Variants in SHOX observed in about 807,000 individuals in gnomAD.
The protein encoded by SHOX is short stature homeobox protein.
A neutral mutation model predicts 29.6 loss-of-function variants in SHOX; 12 were observed. The observed-to-expected ratio is 0.41, with a 90% CI of 0.26 to 0.66. The LOEUF (loss-of-function observed/expected upper bound fraction) is 0.66, where lower values mean the gene tolerates loss of function less well. SHOX is among the 30% of genes least tolerant of loss of function. The probability of loss-of-function intolerance (pLI) is 0.35; values close to 1 mark genes in which losing one functional copy is unlikely to be tolerated. For missense variants in SHOX, 499 were observed against 437.7 expected (o/e 1.14, Z -1.25); for synonymous variants, 214 against 200.6 (o/e 1.07, Z -0.57).
Position 624,919 on chromosome X carries a change from TTTC to T in SHOX, c.-433+320_-433+322del, listed in dbSNP as rs1211498964. Among the ~76,000 whole-genome samples, 70 of 113,536 alleles carry T rather than the reference TTTC, an allele frequency of 6.2e-4. 3 individuals carry two copies. Among genetic ancestry groups the T allele is most frequent in the South Asian group, 5.7e-3 (17 of 2,960 alleles). 74.5% of individuals were successfully genotyped at this position (113,536 alleles called of 152,430 possible). A position where few individuals can be genotyped will look rare whatever the true frequency, so the allele number is the denominator to read the frequency against. On this transcript the variant is annotated intron_variant, in intron 1 of 5. Transcript: ENST00000334060. ...CTTTCTTTCTCTCTTCCTTTCTTTCTTTCTTTCTTTCTTTTCTTTCTTTCACTT... is the reference window on the plus strand; with the variant it reads ...CTTTCTTTCTCTCTTCCTTTCTTTCTTTTCTTTCTTTTCTTTCTTTCACTT...
intron 1 of SHOX, among the ~76,000 whole-genome samples, chrX:625,535 GTCTC>G (rs1316037740): frequency 6.6e-5 from 10 of 151,170 alleles, no homozygotes; most frequent in African/African-American, 1.7e-4. Context: ...CTGTATCTCT[GTCTC>G]TCTCTTTCTC....
In SHOX at chrX:630,908, T is replaced by C. The variant is rs1362741764; in HGVS notation, c.11T>C (p.Leu4Pro). ...GCCCCGGCCCCAGCCATGGAAGAGCTCACGGCTTTTGTATCCAAGTCTTTT... is the reference window on the plus strand; with the variant it reads ...GCCCCGGCCCCAGCCATGGAAGAGCCCACGGCTTTTGTATCCAAGTCTTTT... Reference protein sequence around the residue: MEELTAFVSKSFDQ... With the variant: MEEPTAFVSKSFDQ... The change falls in exon 1 of 5, where the codon CTC (leucine) becomes CCC (proline). Residue 4 changes from leucine (L) to proline (P), a missense_variant. Coordinates refer to ENST00000686671, the MANE Select transcript of SHOX (RefSeq NM_000451.4). 6.2e-7 allele frequency: 1 copy of C among 1,613,368 alleles called. No homozygotes were observed.
chrX:631,263 G>C, intron 1 of SHOX, 89 bp downstream of exon 1: 1 of 1,499,024 alleles, frequency 6.7e-7, no homozygotes, highest in Non-Finnish European at 9.3e-7. Context: ...GCCCCTCGCT[G>C]TGCACATTTG....
chrX:630,312 C>CG (rs1017231767), upstream of SHOX, among the ~76,000 whole-genome samples: 1 of 150,998 alleles, frequency 6.6e-6, no homozygotes, highest in African/African-American at 2.4e-5. Flanking sequence ...CCCGGATCCC[C>CG]CCCTCGCCAT....
At chrX:636,148 T>C (rs2052743086) in intron 2 of SHOX, among the ~76,000 whole-genome samples, 1 of 148,370 alleles carries the variant, frequency 6.7e-6, no homozygotes, top group Non-Finnish European at 1.5e-5. Flanking sequence ...TATAAACATA[T>C]ATAAATATAT....
chrX:632,008 G>A (rs1313064670), intron 1 of SHOX: 1 of 456,058 alleles, frequency 2.2e-6, no homozygotes, highest in Non-Finnish European at 4.4e-6. Context: ...GGAAGGCCCC[G>A]GGTCAGCTCG....
In SHOX at chrX:645,483, G is replaced by C. The variant is rs992942124; in HGVS notation, c.*847G>C. The C allele has an allele frequency of 7.3e-6, 1 of 137,626 alleles. No homozygotes were observed. The highest frequency in any genetic ancestry group is 1.5e-5 in the Non-Finnish European group (1 of 65,888). The allele number at this position is 137,626 out of a possible 1,614,324, so 8.5% of individuals were successfully genotyped here. Reference sequence around the variant, plus strand: ...ATAAGAGACGGACGCGTGGTTGCAAGGTGTCATACTGATATGCAGCATTAA... The same window carrying C: ...ATAAGAGACGGACGCGTGGTTGCAACGTGTCATACTGATATGCAGCATTAA... On this transcript the variant is annotated 3_prime_UTR_variant, in exon 5 of 5. Transcript: ENST00000686671.
At chrX:652,465 G>C (rs2053081184), downstream of SHOX, among the ~76,000 whole-genome samples, 1 of 151,640 alleles carries the variant, frequency 6.6e-6, no homozygotes, top group Non-Finnish European at 1.5e-5. Flanking sequence ...GAGGGAAGTG[G>C]GGGAGGGACA....
chrX:637,914 C>T (rs886988244), intron 2 of SHOX, among the ~76,000 whole-genome samples: 2 of 152,166 alleles, frequency 1.3e-5, no homozygotes, highest in African/African-American at 4.8e-5. Context: ...CGTGGCCCTG[C>T]AAAGTCGTAT....
chrX:624,994 T>G (rs1196433483), intron 1 of SHOX, among the ~76,000 whole-genome samples: 3 of 150,328 alleles, frequency 2.0e-5, no homozygotes, highest in Non-Finnish European at 4.4e-5. Flanking sequence ...AGAAAGCTTT[T>G]TCCTTCCTTC....
Position 638,084 on chromosome X carries a change from C to T in SHOX, c.487-2737C>T, listed in dbSNP as rs182727872. Among the ~76,000 whole-genome samples the T allele has an allele frequency of 4.6e-3, 694 of 152,242 alleles. 26 individuals carry two copies. The highest frequency in any genetic ancestry group is 0.042 in the Admixed American group (645 of 15,284). ...AAATCAAAAGGAAATCGCATTACGG[C>T]ATTTGGGAAAGAAAGCGGGGAGTGC... On this transcript the variant is annotated intron_variant, in intron 2 of 4. Coordinates refer to ENST00000686671, the MANE Select transcript of SHOX (RefSeq NM_000451.4).
At chrX:635,270 G>A (rs1375916000) in intron 2 of SHOX, among the ~76,000 whole-genome samples, 1 of 151,900 alleles carries the variant, frequency 6.6e-6, no homozygotes, top group African/African-American at 2.4e-5. Context: ...CTACAGATGC[G>A]TTTGATCCAG....
At position 650,294 on chromosome X, in the gene SHOX, C is replaced by T. The variant is rs1347875466; in HGVS notation, c.*5658C>T. Among the ~76,000 whole-genome samples the T allele has an allele frequency of 6.6e-6, 1 of 152,090 alleles. No individual in the cohort carries two copies. The highest frequency in any genetic ancestry group is 1.5e-5 in the Non-Finnish European group (1 of 68,030). On this transcript the variant is annotated 3_prime_UTR_variant, in exon 5 of 5. Transcript: ENST00000686671. ...CCGTACGGGAAGGAGGCCTTTGGGC[C>T]GCTCCAAAGACGCCCTGTCGTAGGA... is the stretch of plus-strand genomic sequence containing the variant.
intron 2 of SHOX, among the ~76,000 whole-genome samples, chrX:637,092 C>T (rs1385479990): frequency 1.3e-5 from 2 of 151,684 alleles, no homozygotes; most frequent in African/African-American, 4.8e-5. Context: ...GTCCCCAAAG[C>T]GATACAGCCC....
chrX:654,006 C>T (rs1603291198), downstream of SHOX, among the ~76,000 whole-genome samples: 1 of 152,082 alleles, frequency 6.6e-6, no homozygotes. Context: ...TGTCGGTCGT[C>T]TACTCTACAC....
intron 2 of SHOX, among the ~76,000 whole-genome samples, chrX:636,823 C>A (rs1336892341): frequency 1.1e-4 from 15 of 141,504 alleles, no homozygotes; most frequent in Non-Finnish European, 1.5e-4. Flanking sequence ...TGATTCCCTT[C>A]GGTTCCTGTG....
intron 2 of SHOX, 135 bp downstream of exon 2, chrX:634,961 C>G (rs2052718995): frequency 2.2e-6 from 2 of 925,694 alleles, no homozygotes; most frequent in South Asian, 1.7e-5. Context: ...GGGTGAGGGA[C>G]GGGCTGGGGT....
Position 644,735 on chromosome X carries a change from G to C in SHOX, c.*99G>C, listed in dbSNP as rs1310746301. 4 of 1,329,490 alleles carry C rather than the reference G, an allele frequency of 3.0e-6. No homozygotes were observed. In the South Asian group the frequency reaches 7.7e-5, roughly 26 times the overall value. 82.4% of individuals were successfully genotyped at this position (1,329,490 alleles called of 1,614,324 possible). ...CAACCCCGCCTGGAGCTCCTTCCGC[G>C]GCCACCGTGCTCCGGGCACCCCGGG... On this transcript the variant is annotated 3_prime_UTR_variant, in exon 5 of 5. Transcript: ENST00000686671.
At chrX:625,488 C>T (rs2052506904) in intron 1 of SHOX, among the ~76,000 whole-genome samples, 1 of 151,882 alleles carries the variant, frequency 6.6e-6, no homozygotes, top group Non-Finnish European at 1.5e-5. Flanking sequence ...GTCTGTCTCT[C>T]TGTCCCCTGT....
Sources: gnomAD v4.1 joint callset for allele counts (sites outside exome capture counted in the v4.1 genomes callset) on GRCh38, gnomAD v4.1.1 for gene constraint, MANE v1.5 for transcripts, NCBI Gene and HGNC (gene_info 2026-07-23, HGNC 2026-07-21) for gene names.